TBC1D23: variants seen among roughly 807,000 people sequenced by gnomAD.
The protein encoded by TBC1D23 is HCV non-structural protein 4A-transactivated protein 1.
A neutral mutation model predicts 91.4 loss-of-function variants in TBC1D23; 55 were observed. The ratio of observed to expected loss-of-function variants is 0.60; its 90% CI spans 0.48 to 0.75. TBC1D23 has a LOEUF of 0.75. Among genes scored for constraint, TBC1D23 ranks in the 30% least tolerant of loss-of-function variants. The pLI, the probability that TBC1D23 is intolerant of heterozygous loss-of-function variation, is 0.00. For missense variants in TBC1D23, 725 were observed against 836.1 expected (o/e 0.87, Z 1.64); for synonymous variants, 289 against 281.0 (o/e 1.03, Z -0.28).
In TBC1D23 at chr3:100,310,493, A is replaced by G; in HGVS notation, c.1504A>G (p.Arg502Gly). The G allele has an allele frequency of 6.2e-7, 1 of 1,613,698 alleles. No homozygotes were observed. Among genetic ancestry groups the G allele is most frequent in the Middle Eastern group, 1.7e-4 (1 of 6,054 alleles). Residue 502 changes from arginine (R) to glycine (G), a missense_variant, in exon 14 of 19, where the codon AGG (arginine) becomes GGG (glycine). By Grantham distance (125) the Arg-to-Gly change is moderately radical (BLOSUM62 -2). Transcript: ENST00000394144. ...TTTGAAGACAAAATCCGTTAATGTC[A>G]GGGAAAAAGTTATCAGTTTTATAGA... is the stretch of plus-strand genomic sequence containing the variant. The part of the protein sequence containing the change: ...VALKTKSVNV[R>G]EKVISFIENT...
chr3:100,291,796 C>CTT lies in TBC1D23; in HGVS notation c.600+1109_600+1110dup, dbSNP rs576623040. On this transcript the variant is annotated intron_variant, in intron 5 of 18. Coordinates refer to ENST00000394144, the MANE Select transcript of TBC1D23 (RefSeq NM_001199198.3). ...GATTATCATATCTGCTTTTTTTTTT[C>CTT]TTTTTTTTTTTTTTTGAGATGGAGT... is the stretch of plus-strand genomic sequence containing the variant. Among the ~76,000 whole-genome samples the CTT allele has an allele frequency of 1.7e-3, 218 of 131,636 alleles. 2 individuals are homozygous for CTT. Among genetic ancestry groups the CTT allele is most frequent in the African/African-American group, 5.7e-3 (199 of 35,202 alleles). The allele number at this position is 131,636 out of a possible 152,430, so 86.4% of individuals were successfully genotyped here.
At chr3:100,321,357 G>A (rs1313270623) in intron 18 of TBC1D23, among the ~76,000 whole-genome samples, 3 of 152,174 alleles carry the variant, frequency 2.0e-5, no homozygotes, top group Admixed American at 6.5e-5. Context: ...AGTGTGCTGG[G>A]TGATATAGGT....
chr3:100,289,172 G>A (rs116262810), intron 4 of TBC1D23, among the ~76,000 whole-genome samples: 4,948 of 152,000 alleles, frequency 0.033, 118 homozygotes, highest in Non-Finnish European at 0.051. Context: ...CCGAGATCAC[G>A]CCATTGCACT....
chr3:100,316,641 A>G (rs941560753), intron 16 of TBC1D23, among the ~76,000 whole-genome samples: 6 of 152,066 alleles, frequency 3.9e-5, no homozygotes, highest in Admixed American at 3.9e-4. Context: ...AATTCCTTTG[A>G]TCAGCCACCT....
At chr3:100,291,914 G>C (rs1047441226) in intron 5 of TBC1D23, among the ~76,000 whole-genome samples, 2 of 150,732 alleles carry the variant, frequency 1.3e-5, no homozygotes, top group African/African-American at 2.4e-5. Context: ...TACAGGTGCC[G>C]GCCACCATGC....
intron 15 of TBC1D23, among the ~76,000 whole-genome samples, chr3:100,313,529 C>A (rs572656312): frequency 1.3e-3 from 199 of 152,228 alleles, no homozygotes; most frequent in Non-Finnish European, 2.4e-3. Flanking sequence ...CCTTAGCATT[C>A]ATGTTTATAA....
At chr3:100,274,904 T>C (rs113907792) in intron 1 of TBC1D23, among the ~76,000 whole-genome samples, 2,323 of 112,000 alleles carry the variant, frequency 0.021, 26 homozygotes, top group South Asian at 0.043. Context: ...ACCCCCCCCC[T>C]TTTTGTTTAT....
intron 15 of TBC1D23, among the ~76,000 whole-genome samples, chr3:100,314,978 C>T (rs1372608909): frequency 1.3e-5 from 2 of 151,998 alleles, no homozygotes; most frequent in African/African-American, 4.8e-5. Flanking sequence ...CCCTCAGAAA[C>T]ATGTAGTATT....
chr3:100,280,617 A>G (rs1200718856), intron 2 of TBC1D23, among the ~76,000 whole-genome samples: 1 of 152,222 alleles, frequency 6.6e-6, no homozygotes, highest in African/African-American at 2.4e-5. Context: ...CTATGCACAT[A>G]TGTAACAGAA....
intron 12 of TBC1D23, 152 bp from the exon 13 acceptor site, chr3:100,306,285 C>G: frequency 1.8e-6 from 1 of 565,876 alleles, no homozygotes; most frequent in Non-Finnish European, 3.1e-6. Context: ...GGCCTTTACT[C>G]CTTTACAGAC....
At chr3:100,280,947 G>T (rs2067688880) in intron 2 of TBC1D23, among the ~76,000 whole-genome samples, 1 of 152,156 alleles carries the variant, frequency 6.6e-6, no homozygotes. Flanking sequence ...ATCACCTGAG[G>T]TTAGGAGTTT....
intron 10 of TBC1D23, among the ~76,000 whole-genome samples, chr3:100,299,918 C>T (rs1705387110): frequency 6.6e-6 from 1 of 152,098 alleles, no homozygotes; most frequent in Admixed American, 6.5e-5. Flanking sequence ...TTTGAGCTAC[C>T]TAGTATAGCA....
In TBC1D23 at chr3:100,324,835, A is replaced by G. The variant is rs559348998; in HGVS notation, c.*1167A>G. 5 of 152,348 alleles carry G rather than the reference A, an allele frequency of 3.3e-5. No individual in the cohort carries two copies. The South Asian group carries it at 1.0e-3, about 32-fold the overall frequency. 9.4% of individuals were successfully genotyped at this position (152,348 alleles called of 1,614,324 possible). A position where few individuals can be genotyped will look rare whatever the true frequency, so the allele number is the denominator to read the frequency against. ...CATTTGGGAAGTTGCAATACCCACAATCTGACATGTCCTAAAATGTAAGGG... is the reference window on the plus strand; with the variant it reads ...CATTTGGGAAGTTGCAATACCCACAGTCTGACATGTCCTAAAATGTAAGGG... On this transcript the variant is annotated 3_prime_UTR_variant, in exon 19 of 19. Coordinates refer to ENST00000394144, the MANE Select transcript of TBC1D23 (RefSeq NM_001199198.3).
At chr3:100,321,748 C>T (rs900739201) in intron 18 of TBC1D23, among the ~76,000 whole-genome samples, 2 of 151,524 alleles carry the variant, frequency 1.3e-5, no homozygotes, top group Admixed American at 1.3e-4. Context: ...CTTCTTTCAT[C>T]TTGTACTGAC....
chr3:100,309,414 A>C (rs1392796462), intron 13 of TBC1D23, among the ~76,000 whole-genome samples: 1 of 152,140 alleles, frequency 6.6e-6, no homozygotes, highest in Non-Finnish European at 1.5e-5. Flanking sequence ...TTCTTATTGA[A>C]TAAATAAGGT....
At chr3:100,272,229 A>G (rs975168961) in intron 1 of TBC1D23, among the ~76,000 whole-genome samples, 3 of 152,076 alleles carry the variant, frequency 2.0e-5, no homozygotes, top group Non-Finnish European at 2.9e-5. Context: ...TCAGTATTGG[A>G]GAACTAAAAT....
At chr3:100,262,836 A>T (rs1366680335) in intron 1 of TBC1D23, among the ~76,000 whole-genome samples, 1 of 152,054 alleles carries the variant, frequency 6.6e-6, no homozygotes, top group African/African-American at 2.4e-5. Flanking sequence ...ATAATTGTAC[A>T]TCTTTTTTGT....
At chr3:100,278,490 A>G (rs917966301) in intron 1 of TBC1D23, among the ~76,000 whole-genome samples, 3 of 151,884 alleles carry the variant, frequency 2.0e-5, no homozygotes, top group Admixed American at 6.6e-5. Flanking sequence ...GGTTCAAGCA[A>G]TTGTCTGCCT....
At chr3:100,303,216 G>C (rs1382054626) in intron 11 of TBC1D23, among the ~76,000 whole-genome samples, 1 of 152,098 alleles carries the variant, frequency 6.6e-6, no homozygotes, top group East Asian at 1.9e-4. Flanking sequence ...TATGGAATCA[G>C]CAAGATGGTA....
Sources: allele counts gnomAD v4.1 joint callset (sites outside exome capture counted in the v4.1 genomes callset), GRCh38; gene constraint gnomAD v4.1.1; transcripts MANE v1.5; gene names NCBI Gene and HGNC (gene_info 2026-07-23, HGNC 2026-07-21).